The following THBS4 variants were observed in gnomAD, a reference collection of about 807,000 sequenced individuals.
THBS4 encodes the protein thrombospondin 4.
In THBS4, 90 loss-of-function variants were observed where a neutral mutation model predicts 115.7. The ratio of observed to expected loss-of-function variants is 0.78; its 90% confidence interval spans 0.66 to 0.93. The LOEUF is 0.93. Ranked by LOEUF, THBS4 falls within the 40% of genes least tolerant of loss-of-function variation. The pLI, the probability that THBS4 is intolerant of heterozygous loss-of-function variation, is 0.00. For synonymous variants in THBS4, 460 were observed against 479.3 expected, an observed-to-expected ratio of 0.96 and a Z score of 0.53; for missense variants, 1,087 against 1,232.7, an observed-to-expected ratio of 0.88 and a Z score of 1.77.
At chr5:80,070,266 G>C (rs756303288) in intron 10 of THBS4, 40 bp from the exon 11 acceptor site, 19 of 1,515,214 alleles carry the variant, frequency 1.3e-5, no homozygotes, top group Non-Finnish European at 1.7e-5. Context: ...TTCCTGCCAG[G>C]CTCAGCTTCC....
chr5:80,004,986 C>T (rs1163209794), intron 2 of THBS4, among the ~76,000 whole-genome samples: 1 of 152,156 alleles, frequency 6.6e-6, no homozygotes, highest in Non-Finnish European at 1.5e-5. Context: ...GATCCACCCT[C>T]CTTGGCCTCC....
At chr5:80,027,104 C>T (rs1561298052) in intron 2 of THBS4, among the ~76,000 whole-genome samples, 1 of 152,212 alleles carries the variant, frequency 6.6e-6, no homozygotes, top group Non-Finnish European at 1.5e-5. Flanking sequence ...ATTCCCTTCT[C>T]CTTCTTTCTT....
At chr5:80,057,713 G>T (rs147709143) in intron 3 of THBS4, among the ~76,000 whole-genome samples, 1 of 152,148 alleles carries the variant, frequency 6.6e-6, no homozygotes, top group African/African-American at 2.4e-5. Flanking sequence ...ATATCAACCC[G>T]TAATATAAAA....
intron 3 of THBS4, among the ~76,000 whole-genome samples, chr5:80,057,502 G>A (rs961164714): frequency 6.6e-6 from 1 of 152,320 alleles, no homozygotes; most frequent in Middle Eastern, 3.4e-3. Flanking sequence ...AATAGCACAT[G>A]TTGCCTAAAT....
At position 80,078,191 on chromosome 5, in the gene THBS4, T is replaced by A. The variant is rs776421980; in HGVS notation, c.2229T>A (p.Asp743Glu). The A allele has an allele frequency of 6.2e-7, 1 of 1,605,356 alleles. No individual in the cohort carries two copies. Residue 743 changes from aspartate to glutamate, a missense_variant, in exon 17 of 22, where the codon GAT becomes GAA. Coordinates refer to ENST00000350881, the MANE Select transcript of THBS4 (RefSeq NM_003248.6). ...YQTVVLDPEG[D>E]AQIDPNWVVL... ...CCGTGGTCCTGGATCCTGAAGGGGA[T>A]GCCCAGATCGATCCCAACTGGGTGG...
intron 2 of THBS4, among the ~76,000 whole-genome samples, chr5:80,048,453 G>A (rs934914804): frequency 2.0e-5 from 3 of 152,138 alleles, no homozygotes; most frequent in Non-Finnish European, 2.9e-5. Flanking sequence ...AAGTTTCATA[G>A]GCACTTAAGA....
intron 2 of THBS4, among the ~76,000 whole-genome samples, chr5:80,047,633 A>ATT (rs1554051282): frequency 2.0e-5 from 2 of 102,444 alleles, no homozygotes; most frequent in Non-Finnish European, 2.2e-5. Context: ...AAAATTAAGA[A>ATT]TTTTTTTTTT....
chr5:80,051,518 C>T (rs561229634), intron 2 of THBS4, among the ~76,000 whole-genome samples: 3 of 152,092 alleles, frequency 2.0e-5, no homozygotes, highest in Admixed American at 2.0e-4. Flanking sequence ...TCCTTCCCTG[C>T]GTTTTCTTTT....
chr5:80,070,918 T>C lies in THBS4; in HGVS notation c.1561-103T>C, dbSNP rs1354290192. The C allele has an allele frequency of 1.7e-5, 27 of 1,587,154 alleles. No homozygotes were observed. The Admixed American group carries it at 4.8e-4, about 28-fold the overall frequency. On this transcript the variant is annotated intron_variant, in intron 12 of 21. Coordinates refer to ENST00000350881, the MANE Select transcript of THBS4 (RefSeq NM_003248.6). ...ATAAGATTCACAGATGTTTGAAATA[T>C]AAAACTGACAAACTTGGGCCACCAG... is the stretch of plus-strand genomic sequence containing the variant.
chr5:80,045,821 A>G (rs1374086931), intron 2 of THBS4, among the ~76,000 whole-genome samples: 1 of 152,142 alleles, frequency 6.6e-6, no homozygotes, highest in Non-Finnish European at 1.5e-5. Flanking sequence ...GTGAGCAACC[A>G]TGCCCGGCCC....
Position 80,079,991 on chromosome 5 carries a change from G to A in THBS4, c.2598G>A (p.Leu866=), listed in dbSNP as rs749775724. The A allele has an allele frequency of 4.1e-5, 66 of 1,614,036 alleles. 1 individual carries two copies. In the Admixed American group the frequency reaches 1.0e-3, roughly 24 times the overall value. The change falls in exon 20 of 22, where the codon CTG becomes CTA. Residue 866 remains leucine, a synonymous_variant. Coordinates refer to ENST00000350881, the MANE Select transcript of THBS4 (RefSeq NM_003248.6). ...ACACCAGTGACCAGGTCAGGCTGCT[G>A]TGGAAGGACTCCAGGAATGTGGGCT... is the stretch of plus-strand genomic sequence containing the variant. ...TGDTSDQVRL[L]WKDSRNVGWK... is the part of the protein sequence containing the mutation.
intron 2 of THBS4, among the ~76,000 whole-genome samples, chr5:80,041,513 G>A (rs998906075): frequency 6.6e-6 from 1 of 152,166 alleles, no homozygotes; most frequent in Non-Finnish European, 1.5e-5. Context: ...GCACCTACCT[G>A]GCCGTGATGG....
chr5:80,009,019 A>G (rs759743696), intron 2 of THBS4, among the ~76,000 whole-genome samples: 4 of 152,240 alleles, frequency 2.6e-5, no homozygotes, highest in Non-Finnish European at 4.4e-5. Context: ...CTGAGGAACT[A>G]GAGAGCTGGT....
At chr5:80,027,070 T>G (rs1418440874) in intron 2 of THBS4, among the ~76,000 whole-genome samples, 2 of 152,168 alleles carry the variant, frequency 1.3e-5, no homozygotes, top group African/African-American at 2.4e-5. Flanking sequence ...CTGTGGCCAA[T>G]CATGTGGACA....
chr5:80,043,221 A>G (rs1246005365), intron 2 of THBS4, among the ~76,000 whole-genome samples: 1 of 152,176 alleles, frequency 6.6e-6, no homozygotes, highest in Non-Finnish European at 1.5e-5. Flanking sequence ...GTCGGAAAAA[A>G]TACGAAGATT....
At chr5:79,993,847 A>G (rs1831737472) in intron 1 of THBS4, among the ~76,000 whole-genome samples, 1 of 152,218 alleles carries the variant, frequency 6.6e-6, no homozygotes. Context: ...ATGGTCCCTT[A>G]TGGGAAAATT....
chr5:80,052,632 G>A (rs958065869), intron 2 of THBS4: 9 of 152,180 alleles, frequency 5.9e-5, no homozygotes, highest in Non-Finnish European at 8.8e-5. Context: ...GAGATTTCCC[G>A]TCTGACTCCT....
chr5:79,996,276 G>T (rs1580897130), intron 1 of THBS4, among the ~76,000 whole-genome samples: 2 of 152,298 alleles, frequency 1.3e-5, no homozygotes, highest in Admixed American at 1.3e-4. Context: ...GCCATGGGCA[G>T]GCTAATGATT....
chr5:80,082,575 T>C, intron 21 of THBS4, 30 bp downstream of exon 21: 1 of 1,611,904 alleles, frequency 6.2e-7, no homozygotes, highest in South Asian at 1.1e-5. Context: ...CTGTTCAACA[T>C]TGTTACTAGA....
Sources: gnomAD v4.1 joint callset for allele counts (sites outside exome capture counted in the v4.1 genomes callset) on GRCh38, gnomAD v4.1.1 for gene constraint, MANE v1.5 for transcripts, NCBI Gene and HGNC (gene_info 2026-07-23, HGNC 2026-07-21) for gene names.